Variants in PPA2 observed in about 807,000 individuals in gnomAD.
PPA2 encodes the protein inorganic pyrophosphatase 2, also known as inorganic pyrophosphatase 2, mitochondrial.
Under a neutral mutation model 49.5 loss-of-function variants are expected in PPA2, and 48 were observed. The observed-to-expected ratio is 0.97, with a 90% confidence interval of 0.77 to 1.23. The LOEUF is 1.23. Among genes scored for constraint, PPA2 ranks in the 50% most tolerant of loss-of-function variants. The pLI is 0.00. For missense variants in PPA2, 429 were observed against 410.1 expected (o/e 1.05, Z -0.40); for synonymous variants, 131 against 139.9 (o/e 0.94, Z 0.45).
At chr4:105,447,381 C>T (rs902537187) in intron 4 of PPA2, among the ~76,000 whole-genome samples, 2 of 151,930 alleles carry the variant, frequency 1.3e-5, no homozygotes, top group Admixed American at 6.6e-5. Context: ...GTTACAGAGG[C>T]TAAGGGTAGG....
intron 7 of PPA2, among the ~76,000 whole-genome samples, chr4:105,402,370 T>C (rs926038046): frequency 1.3e-5 from 2 of 152,074 alleles, no homozygotes; most frequent in African/African-American, 4.8e-5. Flanking sequence ...AAGAAGAGAA[T>C]TGTAGATATG....
intron 1 of PPA2, among the ~76,000 whole-genome samples, chr4:105,470,210 C>T (rs965127807): frequency 2.6e-5 from 4 of 152,106 alleles, no homozygotes; most frequent in Non-Finnish European, 5.9e-5. Context: ...CAAAAACACG[C>T]AAGATATCAA....
chr4:105,471,027 C>T (rs1417346966), intron 1 of PPA2, among the ~76,000 whole-genome samples: 2 of 152,194 alleles, frequency 1.3e-5, no homozygotes, highest in Non-Finnish European at 2.9e-5. Context: ...GGAGAAGTTA[C>T]ATCCGAATTT....
At chr4:105,370,977 C>A in intron 10 of PPA2, 104 bp from the exon 11 acceptor site, 2 of 1,077,280 alleles carry the variant, frequency 1.9e-6, no homozygotes, top group Non-Finnish European at 1.2e-6. Context: ...AGTTTACACA[C>A]AATGGATCTC....
At chr4:105,417,558 C>A (rs199747049) in intron 7 of PPA2, among the ~76,000 whole-genome samples, 5,449 of 144,808 alleles carry the variant, frequency 0.038, 320 homozygotes, top group African/African-American at 0.13. Flanking sequence ...TGACTGAAAC[C>A]AAAAAAAAAA....
chr4:105,441,973 G>A (rs373259535), intron 5 of PPA2, among the ~76,000 whole-genome samples: 5 of 150,684 alleles, frequency 3.3e-5, no homozygotes, highest in African/African-American at 9.8e-5. Context: ...ATCACAAGTC[G>A]AAGGAAGACC....
chr4:105,390,380 C>T (rs1047533050), intron 9 of PPA2, among the ~76,000 whole-genome samples: 2 of 151,808 alleles, frequency 1.3e-5, no homozygotes, highest in African/African-American at 4.8e-5. Flanking sequence ...AGACAACCTA[C>T]AAAATGGGAG....
chr4:105,403,651 C>T (rs1230468624), intron 7 of PPA2, among the ~76,000 whole-genome samples: 1 of 152,090 alleles, frequency 6.6e-6, no homozygotes, highest in Non-Finnish European at 1.5e-5. Context: ...AGAGCTCTCA[C>T]TTCAATTTAG....
chr4:105,390,778 G>A (rs1180740159), intron 9 of PPA2, among the ~76,000 whole-genome samples: 4 of 152,170 alleles, frequency 2.6e-5, no homozygotes, highest in East Asian at 1.9e-4. Context: ...ACAGTGTGGC[G>A]ATTCCTCAAG....
At chr4:105,441,962 T>A (rs1724387372) in intron 5 of PPA2, among the ~76,000 whole-genome samples, 1 of 151,786 alleles carries the variant, frequency 6.6e-6, no homozygotes, top group Non-Finnish European at 1.5e-5. Flanking sequence ...CCAGCATTCC[T>A]ATCACAAGTC....
At position 105,424,046 on chromosome 4, in the gene PPA2, T is replaced by A. The variant is rs1723375885; in HGVS notation, c.655+150A>T. ...AGGGAAACCAGTAGAATGTACTTTC[T>A]TCATTTAAAATATAATTTGTCTATC... On this transcript the variant is annotated intron_variant, in intron 7 of 11. Transcript: ENST00000341695. The A allele has an allele frequency of 3.8e-6, 3 of 784,258 alleles. No homozygotes were observed. The African/African-American group carries it at 5.5e-5, about 15-fold the overall frequency. The allele number at this position is 784,258 out of a possible 1,614,324, so 48.6% of individuals were successfully genotyped here.
At chr4:105,386,422 A>G in intron 10 of PPA2, 145 bp downstream of exon 10, 1 of 597,050 alleles carries the variant, frequency 1.7e-6, no homozygotes, top group Non-Finnish European at 2.7e-6. Flanking sequence ...TCCTTGAATT[A>G]CAGAAATAGA....
chr4:105,454,944 ATTG>A (rs1424798282), intron 2 of PPA2, among the ~76,000 whole-genome samples: 3 of 152,144 alleles, frequency 2.0e-5, no homozygotes, highest in African/African-American at 7.2e-5. Context: ...CTTTATTATT[ATTG>A]TTGTTATGAT....
chr4:105,384,299 T>G (rs2110372601), intron 10 of PPA2, among the ~76,000 whole-genome samples: 1 of 152,306 alleles, frequency 6.6e-6, no homozygotes, highest in East Asian at 1.9e-4. Context: ...TCTTCTTCAT[T>G]ATTATAAAGC....
At chr4:105,397,052 T>C (rs1009729075) in intron 8 of PPA2, among the ~76,000 whole-genome samples, 19 of 152,208 alleles carry the variant, frequency 1.2e-4, no homozygotes, top group African/African-American at 3.9e-4. Context: ...AGTAAGAATA[T>C]CTAAGGAAAA....
At chr4:105,458,610 T>A (rs1244945862) in intron 1 of PPA2, among the ~76,000 whole-genome samples, 1 of 151,118 alleles carries the variant, frequency 6.6e-6, no homozygotes, top group Non-Finnish European at 1.5e-5. Flanking sequence ...TCACCTGAGG[T>A]CAGGAGTTTG....
chr4:105,470,062 A>G, intron 1 of PPA2, among the ~76,000 whole-genome samples: 1 of 152,266 alleles, frequency 6.6e-6, no homozygotes, highest in East Asian at 1.9e-4. Context: ...TATCCACAGC[A>G]CTATTTCTCT....
intron 7 of PPA2, among the ~76,000 whole-genome samples, chr4:105,408,076 T>C (rs776814643): frequency 1.7e-5 from 2 of 116,314 alleles, no homozygotes; most frequent in African/African-American, 3.1e-5. Context: ...GATAGGCGGG[T>C]AGATAAGGAA....
At chr4:105,468,650 G>A (rs956842604) in intron 1 of PPA2, among the ~76,000 whole-genome samples, 1 of 152,160 alleles carries the variant, frequency 6.6e-6, no homozygotes, top group African/African-American at 2.4e-5. Context: ...TGTTCCCACA[G>A]AGATGAATGG....
Sources: gnomAD v4.1 joint callset for allele counts (sites outside exome capture counted in the v4.1 genomes callset) on GRCh38, gnomAD v4.1.1 for gene constraint, MANE v1.5 for transcripts, NCBI Gene and HGNC (gene_info 2026-07-23, HGNC 2026-07-21) for gene names.